Variants in FGF12 observed in about 807,000 individuals in gnomAD.
FGF12 encodes the protein fibroblast growth factor 12B.
FGF12 carries 14 observed loss-of-function variants against 23.6 expected under a neutral mutation model. That is an observed-to-expected ratio of 0.59 (90% CI 0.39 to 0.93). The LOEUF (loss-of-function observed/expected upper bound fraction) is 0.93. Ranked by LOEUF, FGF12 falls within the 40% of genes least tolerant of loss-of-function variation. The pLI is 0.00. For synonymous variants in FGF12, 62 were observed against 77.3 expected (o/e 0.80, Z 1.04); for missense variants, 175 against 217.8 (o/e 0.80, Z 1.24).
At chr3:192,224,525 G>T (rs1008224242) in intron 4 of FGF12, among the ~76,000 whole-genome samples, 4 of 152,034 alleles carry the variant, frequency 2.6e-5, no homozygotes, top group Non-Finnish European at 5.9e-5. Flanking sequence ...ACTAGGAAAA[G>T]AAATGGTTAA....
chr3:192,546,911 C>T (rs1017502687), intron 2 of FGF12, among the ~76,000 whole-genome samples: 3 of 151,962 alleles, frequency 2.0e-5, no homozygotes, highest in Non-Finnish European at 4.4e-5. Context: ...ATTAGCCTGG[C>T]ATGGTGGCAC....
intron 2 of FGF12, among the ~76,000 whole-genome samples, chr3:192,652,557 T>A (rs1381271237): frequency 2.0e-5 from 3 of 152,214 alleles, no homozygotes; most frequent in East Asian, 3.8e-4. Flanking sequence ...CTTCGGAATA[T>A]CCTTAAGAAC....
chr3:192,646,815 T>C (rs939218746), intron 2 of FGF12, among the ~76,000 whole-genome samples: 4 of 152,134 alleles, frequency 2.6e-5, no homozygotes, highest in Non-Finnish European at 5.9e-5. Flanking sequence ...TCTACGAATA[T>C]ACTGAAAACC....
intron 2 of FGF12, among the ~76,000 whole-genome samples, chr3:192,564,393 G>C: frequency 6.6e-6 from 1 of 152,126 alleles, no homozygotes; most frequent in East Asian, 1.9e-4. Context: ...GGAACATCTA[G>C]AAGTTCCAGA....
intron 2 of FGF12, among the ~76,000 whole-genome samples, chr3:192,666,920 TAGATA>T: frequency 1.4e-5 from 1 of 72,102 alleles, no homozygotes; most frequent in African/African-American, 5.2e-5. Context: ...AGATAGATGA[TAGATA>T]GATAGATAGA....
At chr3:192,200,090 G>A (rs1717284116) in intron 4 of FGF12, among the ~76,000 whole-genome samples, 1 of 151,808 alleles carries the variant, frequency 6.6e-6, no homozygotes, top group Admixed American at 6.6e-5. Flanking sequence ...GCCGAGGTGG[G>A]TGGATTGTCT....
chr3:192,622,789 C>CACACAG (rs1269023405), intron 2 of FGF12, among the ~76,000 whole-genome samples: 1 of 152,156 alleles, frequency 6.6e-6, no homozygotes, highest in Non-Finnish European at 1.5e-5. Flanking sequence ...CACACACTTA[C>CACACAG]ACACAGACAC....
chr3:192,654,555 G>A (rs1716328762), intron 2 of FGF12, among the ~76,000 whole-genome samples: 1 of 152,210 alleles, frequency 6.6e-6, no homozygotes, highest in Non-Finnish European at 1.5e-5. Flanking sequence ...GGCATTCAAT[G>A]TATCTTTAAG....
rs75551653 is a variant in FGF12 at position 192,300,714 on chromosome 3, C to T, written c.228+34647G>A. On this transcript the variant is annotated intron_variant, in intron 4 of 5. Transcript: ENST00000445105. ...TGCCAAGTTGATCCATGGCACAAAACGGTTAAGAATCCCTGAAGGCTCACC... is the reference window on the plus strand; with the variant it reads ...TGCCAAGTTGATCCATGGCACAAAATGGTTAAGAATCCCTGAAGGCTCACC... Among the ~76,000 whole-genome samples, 121 of 152,160 alleles carry T rather than the reference C, an allele frequency of 8.0e-4. 1 individual carries two copies. In the East Asian group the frequency reaches 0.019, roughly 24 times the overall value.
intron 5 of FGF12, among the ~76,000 whole-genome samples, chr3:192,161,468 C>A (rs751299671): frequency 6.6e-5 from 10 of 150,668 alleles, no homozygotes; most frequent in Non-Finnish European, 1.5e-4. Context: ...GATTAAGTAA[C>A]TAAATTGAAT....
At chr3:192,652,132 A>T (rs1169735089) in intron 2 of FGF12, among the ~76,000 whole-genome samples, 2 of 152,130 alleles carry the variant, frequency 1.3e-5, no homozygotes, top group Non-Finnish European at 2.9e-5. Flanking sequence ...CTTCCAGGAG[A>T]GATTAAAGTG....
At chr3:192,305,643 T>C (rs1382768617) in intron 4 of FGF12, among the ~76,000 whole-genome samples, 1 of 122,324 alleles carries the variant, frequency 8.2e-6, no homozygotes, top group Non-Finnish European at 1.7e-5. Flanking sequence ...ACTTTTCTAA[T>C]AAGGGAGAGA....
chr3:192,210,496 A>G (rs1717873909), intron 4 of FGF12, among the ~76,000 whole-genome samples: 2 of 152,214 alleles, frequency 1.3e-5, no homozygotes, highest in African/African-American at 4.8e-5. Context: ...AGCTCTAAGA[A>G]GGGTATAACT....
At chr3:192,625,953 T>C (rs754921619) in intron 2 of FGF12, among the ~76,000 whole-genome samples, 8 of 152,176 alleles carry the variant, frequency 5.3e-5, no homozygotes, top group Non-Finnish European at 1.0e-4. Flanking sequence ...TTGGGTAAAA[T>C]TAGATAAATA....
intron 4 of FGF12, among the ~76,000 whole-genome samples, chr3:192,319,206 AAC>A (rs1716399449): frequency 6.6e-6 from 1 of 152,212 alleles, no homozygotes; most frequent in Admixed American, 6.5e-5. Context: ...GGTAATAGTA[AAC>A]ACACAGAAAA....
intron 2 of FGF12, among the ~76,000 whole-genome samples, chr3:192,525,832 T>TG (rs1477601404): frequency 6.6e-6 from 1 of 152,238 alleles, no homozygotes; most frequent in Non-Finnish European, 1.5e-5. Flanking sequence ...TGGAGTGCAG[T>TG]GGCACCGTCT....
chr3:192,250,809 A>G (rs1711956574), intron 4 of FGF12, among the ~76,000 whole-genome samples: 1 of 152,100 alleles, frequency 6.6e-6, no homozygotes, highest in African/African-American at 2.4e-5. Flanking sequence ...TTTCTGGTAG[A>G]CTAGAAAGGA....
At chr3:192,551,677 A>G (rs1711534458) in intron 2 of FGF12, among the ~76,000 whole-genome samples, 1 of 152,238 alleles carries the variant, frequency 6.6e-6, no homozygotes. Context: ...AATAAAGTAT[A>G]AATCCATTCT....
intron 4 of FGF12, among the ~76,000 whole-genome samples, chr3:192,320,080 G>A (rs1004049752): frequency 6.6e-6 from 1 of 152,060 alleles, no homozygotes; most frequent in African/African-American, 2.4e-5. Flanking sequence ...CAAAACTAGA[G>A]CCAATAATGT....
Sources: gnomAD v4.1 joint callset for allele counts (sites outside exome capture counted in the v4.1 genomes callset) on GRCh38, gnomAD v4.1.1 for gene constraint, MANE v1.5 for transcripts, NCBI Gene and HGNC (gene_info 2026-07-23, HGNC 2026-07-21) for gene names.